ZNF431: variants seen among roughly 807,000 people sequenced by gnomAD.
ZNF431 encodes the protein zinc finger protein 431.
A neutral mutation model predicts 57.0 loss-of-function variants in ZNF431; 34 were observed. The observed-to-expected ratio is 0.60, with a 90% confidence interval of 0.45 to 0.79. ZNF431 has a LOEUF of 0.79. ZNF431 is among the 30% of genes least tolerant of loss of function. The pLI is 0.00. For synonymous variants in ZNF431, 207 were observed against 220.3 expected, an observed-to-expected ratio of 0.94 and a Z score of 0.54; for missense variants, 607 against 667.1, an observed-to-expected ratio of 0.91 and a Z score of 0.99.
Position 21,194,415 on chromosome 19 carries a change from A to G in ZNF431, c.*10381A>G, listed in dbSNP as rs1317791228. On this transcript the variant is annotated 3_prime_UTR_variant, in exon 5 of 5. Coordinates refer to ENST00000311048, the MANE Select transcript of ZNF431 (RefSeq NM_133473.4). ...TTTGAAGAATGAATAGAAAATGTCT[A>G]TGCTGCCTAGAGCAGCCTACAAAAT... is the stretch of plus-strand genomic sequence containing the variant. The G allele has an allele frequency of 2.6e-5, 4 of 152,172 alleles. No homozygotes were observed. Among genetic ancestry groups the G allele is most frequent in the Non-Finnish European group, 5.9e-5 (4 of 68,030 alleles). 9.4% of individuals were successfully genotyped at this position (152,172 alleles called of 1,614,324 possible).
rs778899797 is a variant in ZNF431 at position 21,182,535 on chromosome 19, T to C, written c.320-88T>C. ...GTATTTTATTATGGCATCTTGTTTATGTAGTTTGTATAATGTAGGTTAGAT... is the reference window on the plus strand; with the variant it reads ...GTATTTTATTATGGCATCTTGTTTACGTAGTTTGTATAATGTAGGTTAGAT... On this transcript the variant is annotated intron_variant, in intron 4 of 4. Transcript: ENST00000311048. The C allele has an allele frequency of 3.6e-4, 487 of 1,354,208 alleles. 1 individual carries two copies. The highest frequency in any genetic ancestry group is 4.7e-4 in the Non-Finnish European group (477 of 1,010,462). The allele number at this position is 1,354,208 out of a possible 1,614,324, so 83.9% of individuals were successfully genotyped here. A position where few individuals can be genotyped will look rare whatever the true frequency, so the allele number is the denominator to read the frequency against.
Position 21,182,917 on chromosome 19 carries a change from A to C in ZNF431, c.614A>C (p.Lys205Thr). The C allele has an allele frequency of 2.5e-6, 4 of 1,614,096 alleles. No individual in the cohort carries two copies. The highest frequency in any genetic ancestry group is 3.4e-6 in the Non-Finnish European group (4 of 1,179,970). Residue 205 changes from lysine to threonine, a missense_variant, in exon 5 of 5, where the codon AAA becomes ACA. Transcript: ENST00000311048. Reference sequence around the variant, plus strand: ...AGACATACTGGAAAGAAACCTTTCAAATGTAAAAAATGTGGCAAATCATTT... The same window carrying C: ...AGACATACTGGAAAGAAACCTTTCACATGTAAAAAATGTGGCAAATCATTT... ...KTRHTGKKPF[K>T]CKKCGKSFCM...
intron 2 of ZNF431, among the ~76,000 whole-genome samples, chr19:21,155,104 G>A (rs1970382626): frequency 1.3e-5 from 2 of 152,172 alleles, no homozygotes; most frequent in East Asian, 1.9e-4. Context: ...CCATGCCTAT[G>A]TCCTGAATGA....
chr19:21,182,568 G>A, intron 4 of ZNF431, 55 bp from the exon 5 acceptor site: 2 of 1,511,992 alleles, frequency 1.3e-6, no homozygotes, highest in Admixed American at 2.3e-5. Flanking sequence ...GATTTGTAAA[G>A]TATGTTTATC....
Position 21,185,968 on chromosome 19 carries a change from T to C in ZNF431, c.*1934T>C, listed in dbSNP as rs1023479602. 33 of 152,280 alleles carry C rather than the reference T, an allele frequency of 2.2e-4. No homozygotes were observed. The highest frequency in any genetic ancestry group is 7.2e-4 in the African/African-American group (30 of 41,560). 9.4% of individuals were successfully genotyped at this position (152,280 alleles called of 1,614,324 possible). ...AATTATATACGAGTATAAATGAAAT[T>C]CATTTCTAAATTCTTAATAAATATT... On this transcript the variant is annotated 3_prime_UTR_variant, in exon 5 of 5. Transcript: ENST00000311048.
chr19:21,171,643 G>T (rs1970892717), intron 4 of ZNF431, among the ~76,000 whole-genome samples: 1 of 147,008 alleles, frequency 6.8e-6, no homozygotes, highest in African/African-American at 2.5e-5. Context: ...GTCTAAGTGA[G>T]TAGTCATGAA....
At chr19:21,144,096 A>G (rs923170281) in intron 2 of ZNF431, among the ~76,000 whole-genome samples, 1 of 148,944 alleles carries the variant, frequency 6.7e-6, no homozygotes, top group African/African-American at 2.4e-5. Context: ...TTTTTTAATC[A>G]GCACTGCCAC....
Position 21,194,444 on chromosome 19 carries a change from T to C in ZNF431, c.*10410T>C. Reference sequence around the variant, plus strand: ...TGCCTAGAGCAGCCTACAAAATAAGTTTTTGTTTTTTTATCAAAATGTCGA... The same window carrying C: ...TGCCTAGAGCAGCCTACAAAATAAGCTTTTGTTTTTTTATCAAAATGTCGA... On this transcript the variant is annotated 3_prime_UTR_variant, in exon 5 of 5. Coordinates refer to ENST00000311048, the MANE Select transcript of ZNF431 (RefSeq NM_133473.4). The C allele has an allele frequency of 6.6e-6, 1 of 152,068 alleles. No individual in the cohort carries two copies. The highest frequency in any genetic ancestry group is 1.5e-5 in the Non-Finnish European group (1 of 68,026). The allele number at this position is 152,068 out of a possible 1,614,324, so 9.4% of individuals were successfully genotyped here.
chr19:21,168,252 AATTGT>A (rs1970780736), intron 4 of ZNF431, among the ~76,000 whole-genome samples: 1 of 152,136 alleles, frequency 6.6e-6, no homozygotes, highest in Admixed American at 6.6e-5. Flanking sequence ...TAAATTTTAG[AATTGT>A]ATTTTCTATT....
At chr19:21,158,388 C>A (rs1970481379) in intron 2 of ZNF431, among the ~76,000 whole-genome samples, 1 of 151,908 alleles carries the variant, frequency 6.6e-6, no homozygotes. Context: ...TTAATGGAGA[C>A]AGGGTTTCAC....
intron 2 of ZNF431, among the ~76,000 whole-genome samples, chr19:21,154,852 C>T (rs1186353794): frequency 1.3e-5 from 2 of 150,506 alleles, no homozygotes; most frequent in South Asian, 2.1e-4. Flanking sequence ...CCTTTGCCCA[C>T]TTGTTGATGG....
intron 4 of ZNF431, among the ~76,000 whole-genome samples, chr19:21,178,638 G>C (rs959226297): frequency 5.3e-5 from 8 of 152,082 alleles, no homozygotes; most frequent in African/African-American, 1.9e-4. Flanking sequence ...TTCCATCCCG[G>C]GAATAAAGCT....
chr19:21,166,200 A>G, intron 2 of ZNF431, 135 bp from the exon 3 acceptor site: 2 of 1,343,986 alleles, frequency 1.5e-6, no homozygotes, highest in Non-Finnish European at 2.0e-6. Context: ...GTTAAAAATT[A>G]TTGGATAATT....
chr19:21,166,579 C>T, intron 3 of ZNF431, 118 bp downstream of exon 3: 1 of 1,216,716 alleles, frequency 8.2e-7, no homozygotes, highest in Non-Finnish European at 1.1e-6. Flanking sequence ...TCCCAGTTTT[C>T]AAGAAAATCT....
At chr19:21,182,438 T>C (rs1971232164) in intron 4 of ZNF431, among the ~76,000 whole-genome samples, 185 bp from the exon 5 acceptor site, 1 of 152,216 alleles carries the variant, frequency 6.6e-6, no homozygotes, top group Admixed American at 6.5e-5. Flanking sequence ...TGTTTATAAG[T>C]TGTCCTCAAA....
In ZNF431 at chr19:21,161,048, A is replaced by G. The variant is rs376833060; in HGVS notation, c.97-5287A>G. On this transcript the variant is annotated intron_variant, in intron 2 of 4. Transcript: ENST00000311048. ...CTGGGCTTGGTGGCACGTGCCTGTA[A>G]TCCCAGCTACTCAGGAGGCTGAGGC... 3.9e-5 allele frequency among the ~76,000 whole-genome samples: 6 copies of G among 152,234 alleles called. No individual in the cohort carries two copies. The East Asian group carries it at 9.7e-4, about 25-fold the overall frequency.
chr19:21,154,748 A>G lies in ZNF431; in HGVS notation c.96+11105A>G, dbSNP rs1179065377. Among the ~76,000 whole-genome samples, 66 of 151,984 alleles carry G rather than the reference A, an allele frequency of 4.3e-4. 1 individual carries two copies. Among genetic ancestry groups the G allele is most frequent in the Admixed American group, 4.3e-3 (66 of 15,252 alleles). The stretch of plus-strand genomic sequence containing the variant: ...GAGATGGTATCTCATTGTGGTTTTG[A>G]TTTGCATTTCTCTGATGGCCAGTGA... On this transcript the variant is annotated intron_variant, in intron 2 of 4. Coordinates refer to ENST00000311048, the MANE Select transcript of ZNF431 (RefSeq NM_133473.4).
intron 2 of ZNF431, among the ~76,000 whole-genome samples, chr19:21,149,198 A>G (rs1277639023): frequency 1.3e-5 from 2 of 152,178 alleles, no homozygotes; most frequent in African/African-American, 2.4e-5. Context: ...GGCTAATTCC[A>G]TATGTCTCAA....
At chr19:21,166,772 G>T (rs539126185) in intron 3 of ZNF431, among the ~76,000 whole-genome samples, 2 of 152,064 alleles carry the variant, frequency 1.3e-5, no homozygotes, top group African/African-American at 4.8e-5. Flanking sequence ...TTTTGATTCA[G>T]GTAGTAAAAT....
Sources: allele counts gnomAD v4.1 joint callset (sites outside exome capture counted in the v4.1 genomes callset), GRCh38; gene constraint gnomAD v4.1.1; transcripts MANE v1.5; gene names NCBI Gene and HGNC (gene_info 2026-07-23, HGNC 2026-07-21).